RSPO2: variants seen among roughly 807,000 people sequenced by gnomAD.
RSPO2 encodes R-spondin-2.
Under a neutral mutation model 30.9 loss-of-function variants are expected in RSPO2, and 14 were observed. The ratio of observed to expected loss-of-function variants is 0.45; its 90% CI spans 0.30 to 0.71. The LOEUF is 0.71. Ranked by LOEUF, RSPO2 falls within the 30% of genes least tolerant of loss-of-function variation. The probability of loss-of-function intolerance (pLI) is 0.08; values close to 1 mark genes in which losing one functional copy is unlikely to be tolerated. For synonymous variants in RSPO2, 107 were observed against 96.4 expected (o/e 1.11, Z -0.64); for missense variants, 264 against 301.9 (o/e 0.87, Z 0.93).
At chr8:107,983,681 A>G (rs530863694) in intron 3 of RSPO2, 1 of 1,594,470 alleles carries the variant, frequency 6.3e-7, no homozygotes, top group South Asian at 1.1e-5. Context: ...GTGGCAGAGA[A>G]TTAAAGATTA....
chr8:107,979,430 GACCAAAA>G (rs1814341904), intron 3 of RSPO2, among the ~76,000 whole-genome samples: 1 of 152,060 alleles, frequency 6.6e-6, no homozygotes. Flanking sequence ...CTATCACAAG[GACCAAAA>G]ACCAAACACC....
intron 5 of RSPO2, among the ~76,000 whole-genome samples, chr8:107,957,044 T>C (rs141935074): frequency 7.4e-4 from 113 of 152,320 alleles, no homozygotes; most frequent in African/African-American, 2.3e-3. Flanking sequence ...GATCTAATAG[T>C]TCTCAAAGGC....
chr8:108,077,137 A>G (rs184160154), intron 2 of RSPO2, among the ~76,000 whole-genome samples: 9 of 152,350 alleles, frequency 5.9e-5, no homozygotes, highest in Non-Finnish European at 1.0e-4. Flanking sequence ...TAAGTCTAAC[A>G]TTTATAAACT....
chr8:108,061,199 G>T (rs1281793333), intron 2 of RSPO2, among the ~76,000 whole-genome samples: 1 of 151,768 alleles, frequency 6.6e-6, no homozygotes, highest in Non-Finnish European at 1.5e-5. Context: ...AACCTTAAAT[G>T]TAAATGGGCT....
At chr8:107,934,732 A>G (rs1812660222) in intron 5 of RSPO2, among the ~76,000 whole-genome samples, 4 of 152,204 alleles carry the variant, frequency 2.6e-5, no homozygotes, top group Admixed American at 6.6e-5. Flanking sequence ...GCAGAAGAAC[A>G]TAAATTATGA....
intron 5 of RSPO2, among the ~76,000 whole-genome samples, chr8:107,910,174 T>C (rs1038127037): frequency 2.0e-5 from 3 of 152,164 alleles, no homozygotes; most frequent in Admixed American, 1.3e-4. Flanking sequence ...AATAATTCCA[T>C]TAGAACAAGA....
intron 5 of RSPO2, among the ~76,000 whole-genome samples, chr8:107,950,138 A>AAC (rs33956502): frequency 0.66 from 100,334 of 151,818 alleles, 35,384 homozygotes; most frequent in East Asian, 0.94. Flanking sequence ...TACCTCCCTG[A>AAC]ACACATGCAC....
At chr8:108,062,280 A>G (rs1363519031) in intron 2 of RSPO2, among the ~76,000 whole-genome samples, 2 of 151,922 alleles carry the variant, frequency 1.3e-5, no homozygotes, top group African/African-American at 4.9e-5. Context: ...CAAAATTGAT[A>G]GCCTGCTAGC....
intron 2 of RSPO2, among the ~76,000 whole-genome samples, chr8:108,002,731 G>A (rs1311138615): frequency 1.3e-5 from 2 of 152,178 alleles, no homozygotes; most frequent in Admixed American, 6.5e-5. Flanking sequence ...TAACTAACCA[G>A]ATCAAAGACT....
Position 107,899,954 on chromosome 8 carries a change from A to G in RSPO2, c.*1121T>C, listed in dbSNP as rs1811387932. 6.6e-6 allele frequency: 1 copy of G among 152,230 alleles called. No individual in the cohort carries two copies. Among genetic ancestry groups the G allele is most frequent in the African/African-American group, 2.4e-5 (1 of 41,456 alleles). 9.4% of individuals were successfully genotyped at this position (152,230 alleles called of 1,614,324 possible). A position where few individuals can be genotyped will look rare whatever the true frequency, so the allele number is the denominator to read the frequency against. On this transcript the variant is annotated 3_prime_UTR_variant, in exon 6 of 6. Coordinates refer to ENST00000276659, the MANE Select transcript of RSPO2 (RefSeq NM_178565.5). ...ATTCTATGCCCAGGCTCATGGTAGT[A>G]GCTTCTTCAGTGACCCAAGAACATT...
At chr8:108,077,661 C>A (rs1406468737) in intron 2 of RSPO2, among the ~76,000 whole-genome samples, 1 of 152,104 alleles carries the variant, frequency 6.6e-6, no homozygotes, top group East Asian at 1.9e-4. Context: ...TGCATATATA[C>A]CTTCCCTAAT....
At chr8:108,078,863 T>A (rs114784421) in intron 2 of RSPO2, among the ~76,000 whole-genome samples, 3,281 of 152,220 alleles carry the variant, frequency 0.022, 110 homozygotes, top group African/African-American at 0.074. Flanking sequence ...ATCAAGAAGT[T>A]TTCATAAATC....
At chr8:107,945,241 CTTTTTTTTTTTTT>C (rs754722790) in intron 5 of RSPO2, among the ~76,000 whole-genome samples, 1 of 74,820 alleles carries the variant, frequency 1.3e-5, no homozygotes, top group African/African-American at 5.5e-5. Context: ...ATTCTTTTAC[CTTTTTTTTTTTTT>C]TTTTTTTTTT....
rs188783434 is a variant in RSPO2 at position 108,070,031 on chromosome 8, C to T, written c.94+12514G>A. ...CTCAAAGTTTCTTATAATGAAACAT[C>T]CTACAAATTAGCATCATGGTCATGT... On this transcript the variant is annotated intron_variant, in intron 2 of 5. Transcript: ENST00000276659. Among the ~76,000 whole-genome samples the T allele has an allele frequency of 3.6e-3, 545 of 152,278 alleles. 3 individuals are homozygous for T. Among genetic ancestry groups the T allele is most frequent in the Non-Finnish European group, 6.0e-3 (408 of 68,026 alleles).
chr8:108,018,414 C>T (rs1810960112), intron 2 of RSPO2, among the ~76,000 whole-genome samples: 2 of 152,098 alleles, frequency 1.3e-5, no homozygotes, highest in South Asian at 4.1e-4. Context: ...CACAGGAGAC[C>T]TCAAGCAGCC....
chr8:108,032,870 T>A (rs1385456767), intron 2 of RSPO2, among the ~76,000 whole-genome samples: 8 of 151,754 alleles, frequency 5.3e-5, no homozygotes, highest in African/African-American at 1.9e-4. Context: ...CCATCCTGGC[T>A]AACATGGTGA....
chr8:108,001,984 C>T (rs558971982), intron 2 of RSPO2, among the ~76,000 whole-genome samples: 1 of 152,260 alleles, frequency 6.6e-6, no homozygotes. Flanking sequence ...AGCAAACCAA[C>T]ATGGCACATA....
At chr8:108,067,285 C>A (rs1287380506) in intron 2 of RSPO2, among the ~76,000 whole-genome samples, 1 of 151,918 alleles carries the variant, frequency 6.6e-6, no homozygotes, top group East Asian at 1.9e-4. Flanking sequence ...CATTACATAC[C>A]GATTATTAAG....
At chr8:107,937,567 C>A (rs1278536133) in intron 5 of RSPO2, among the ~76,000 whole-genome samples, 1 of 151,018 alleles carries the variant, frequency 6.6e-6, no homozygotes, top group Non-Finnish European at 1.5e-5. Context: ...TGCTTTGCTG[C>A]CCTTGCTCTT....
Sources: allele counts gnomAD v4.1 joint callset (sites outside exome capture counted in the v4.1 genomes callset), GRCh38; gene constraint gnomAD v4.1.1; transcripts MANE v1.5; gene names NCBI Gene and HGNC (gene_info 2026-07-23, HGNC 2026-07-21).